PLCG2: variants seen among roughly 807,000 people sequenced by gnomAD.
PLCG2 encodes the protein 1-phosphatidylinositol 4,5-bisphosphate phosphodiesterase gamma-2.
PLCG2 carries 69 observed loss-of-function variants against 175.6 expected under a neutral mutation model. That is an observed-to-expected ratio of 0.39 (90% CI 0.32 to 0.48). PLCG2 has a LOEUF of 0.48. Ranked by LOEUF, PLCG2 falls within the 20% of genes least tolerant of loss-of-function variation. The pLI, the probability that PLCG2 is intolerant of heterozygous loss-of-function variation, is 0.91. For missense variants in PLCG2, 1,798 were observed against 1,650.9 expected, an observed-to-expected ratio of 1.09 and a Z score of -1.54; for synonymous variants, 827 against 624.0, an observed-to-expected ratio of 1.33 and a Z score of -4.85.
intron 7 of PLCG2, 67 bp downstream of exon 7, chr16:81,871,002 T>C (rs1376782799): frequency 2.0e-5 from 17 of 855,670 alleles, no homozygotes; most frequent in Non-Finnish European, 2.8e-5. Flanking sequence ...AAGTCTGGCA[T>C]GTTCCTAAGA....
At chr16:81,782,802 C>T (rs140420405) in intron 1 of PLCG2, among the ~76,000 whole-genome samples, 24 of 152,200 alleles carry the variant, frequency 1.6e-4, no homozygotes, top group Non-Finnish European at 7.4e-5. Context: ...TGGTAAGGGC[C>T]CCTCCAACAG....
At chr16:81,740,160 AAAG>A (rs1367597176) in intron 1 of PLCG2, 2 of 143,202 alleles carry the variant, frequency 1.4e-5, no homozygotes, top group African/African-American at 5.0e-5. Flanking sequence ...AAAAAAAAAG[AAAG>A]AAAAGAAACA....
intron 2 of PLCG2, among the ~76,000 whole-genome samples, chr16:81,852,405 C>T (rs989621322): frequency 6.6e-6 from 1 of 152,004 alleles, no homozygotes; most frequent in African/African-American, 2.4e-5. Context: ...CTATCTAAAG[C>T]ACATGGAATG....
chr16:81,739,969 C>G (rs1196339592), intron 1 of PLCG2, among the ~76,000 whole-genome samples: 1 of 145,278 alleles, frequency 6.9e-6, no homozygotes, highest in Non-Finnish European at 1.5e-5. Context: ...GAAACCCTGT[C>G]TCTACTAAAA....
chr16:81,818,534 G>A (rs527745369), intron 2 of PLCG2, among the ~76,000 whole-genome samples: 34 of 152,126 alleles, frequency 2.2e-4, no homozygotes, highest in Non-Finnish European at 4.0e-4. Flanking sequence ...TCGGCTGCAC[G>A]GAAATGGAGC....
intron 9 of PLCG2, among the ~76,000 whole-genome samples, chr16:81,886,343 G>A (rs751189329): frequency 2.2e-4 from 33 of 152,216 alleles, no homozygotes; most frequent in Non-Finnish European, 3.8e-4. Context: ...GCATCCATGC[G>A]ATGTTTGTTG....
chr16:81,910,390 C>G (rs1337281961), intron 17 of PLCG2, 130 bp from the exon 18 acceptor site: 2 of 794,754 alleles, frequency 2.5e-6, no homozygotes, highest in African/African-American at 3.4e-5. Context: ...TGCGCCCAGC[C>G]TCCTGTGTCT....
At chr16:81,760,148 G>C (rs973181824) in intron 2 of PLCG2, among the ~76,000 whole-genome samples, 3 of 152,196 alleles carry the variant, frequency 2.0e-5, no homozygotes, top group South Asian at 4.1e-4. Flanking sequence ...GGAAGAATGA[G>C]GAATTTATTA....
At chr16:81,885,745 G>T (rs1470477014) in intron 9 of PLCG2, among the ~76,000 whole-genome samples, 8 of 152,156 alleles carry the variant, frequency 5.3e-5, no homozygotes, top group Non-Finnish European at 1.0e-4. Flanking sequence ...AGAAACTTAT[G>T]AGTAGAGAAG....
chr16:81,784,023 C>A (rs764221508), intron 1 of PLCG2, among the ~76,000 whole-genome samples: 2 of 152,194 alleles, frequency 1.3e-5, no homozygotes, highest in Non-Finnish European at 2.9e-5. Flanking sequence ...TGCTCTCTGC[C>A]CGCCGTGCCC....
At chr16:81,774,322 C>T (rs1397391093), upstream of PLCG2, among the ~76,000 whole-genome samples, 2 of 151,898 alleles carry the variant, frequency 1.3e-5, no homozygotes, top group Non-Finnish European at 2.9e-5. Context: ...TGCACTCCAG[C>T]CTGGGCAGTA....
chr16:81,947,060 G>A (rs573102698), intron 31 of PLCG2, among the ~76,000 whole-genome samples: 3 of 152,266 alleles, frequency 2.0e-5, no homozygotes, highest in African/African-American at 7.2e-5. Flanking sequence ...GATAAAAATG[G>A]TTTTAGATTG....
At chr16:81,869,441 AG>A in intron 6 of PLCG2, 143 bp downstream of exon 6, 1 of 656,472 alleles carries the variant, frequency 1.5e-6, no homozygotes, top group South Asian at 1.7e-5. Flanking sequence ...GTTCAGACAG[AG>A]GGATCATGGA....
chr16:81,810,973 A>G (rs1027186906), intron 2 of PLCG2, among the ~76,000 whole-genome samples: 1 of 152,216 alleles, frequency 6.6e-6, no homozygotes, highest in Non-Finnish European at 1.5e-5. Flanking sequence ...CCCAGGGAAC[A>G]GCAGCGAAAC....
Position 81,869,106 on chromosome 16 carries a change from C to T in PLCG2, c.480-108C>T. 4.0e-6 allele frequency: 3 copies of T among 756,280 alleles called. No homozygotes were observed. In the South Asian group the frequency reaches 4.7e-5, roughly 12 times the overall value. The allele number at this position is 756,280 out of a possible 1,614,324, so 46.8% of individuals were successfully genotyped here. A position where few individuals can be genotyped will look rare whatever the true frequency, so the allele number is the denominator to read the frequency against. On this transcript the variant is annotated intron_variant, in intron 5 of 32. Transcript: ENST00000564138. ...TAGTGGTCCATAAATAACTGTTGAC[C>T]AGGCTCTCTCATAGAGGGCTGCCTG...
intron 2 of PLCG2, among the ~76,000 whole-genome samples, chr16:81,793,282 G>C (rs929523778): frequency 6.6e-6 from 1 of 152,182 alleles, no homozygotes; most frequent in African/African-American, 2.4e-5. Context: ...GTACTGTTGG[G>C]CATGTTGGTT....
chr16:81,742,196 A>G lies in PLCG2; in HGVS notation c.-145+2811A>G, dbSNP rs954463564. ...TTGGCTAAAATTGAAAAGGTAGCAG[A>G]GTACCTCTCAGTCAAAAGATGACCT... is the stretch of plus-strand genomic sequence containing the variant. On this transcript the variant is annotated intron_variant, in intron 1 of 5. Transcript: ENST00000565054. Among the ~76,000 whole-genome samples the G allele has an allele frequency of 2.6e-5, 4 of 151,534 alleles. No individual in the cohort carries two copies. In the East Asian group the frequency reaches 5.8e-4, roughly 22 times the overall value.
At chr16:81,763,501 A>G (rs1054639294) in intron 2 of PLCG2, among the ~76,000 whole-genome samples, 2 of 152,136 alleles carry the variant, frequency 1.3e-5, no homozygotes, top group Non-Finnish European at 2.9e-5. Flanking sequence ...GGAAGATGTG[A>G]GCAGAGGTGA....
chr16:81,879,565 A>G (rs552204353), intron 7 of PLCG2, among the ~76,000 whole-genome samples: 14 of 152,244 alleles, frequency 9.2e-5, no homozygotes, highest in African/African-American at 3.4e-4. Context: ...GATAGTCCCC[A>G]TGACGTCCTG....
Sources: gnomAD v4.1 joint callset for allele counts (sites outside exome capture counted in the v4.1 genomes callset) on GRCh38, gnomAD v4.1.1 for gene constraint, MANE v1.5 for transcripts, NCBI Gene and HGNC (gene_info 2026-07-23, HGNC 2026-07-21) for gene names.